Variants in C2orf76 observed in about 807,000 individuals in gnomAD.
C2orf76 encodes the protein chromosome 2 open reading frame 76.
Under a neutral mutation model 16.9 loss-of-function variants are expected in C2orf76, and 23 were observed. That is an observed-to-expected ratio of 1.36 (90% CI 0.98 to 1.93). The LOEUF (loss-of-function observed/expected upper bound fraction) is 1.93. C2orf76 is among the 30% of genes most tolerant of loss of function. C2orf76 has a pLI of 0.00. For missense variants in C2orf76, 152 were observed against 152.6 expected, an observed-to-expected ratio of 1.00 and a Z score of 0.02; for synonymous variants, 48 against 52.3, an observed-to-expected ratio of 0.92 and a Z score of 0.35.
At chr2:119,331,979 G>A (rs1256863157) in intron 2 of C2orf76, among the ~76,000 whole-genome samples, 1 of 151,952 alleles carries the variant, frequency 6.6e-6, no homozygotes, top group African/African-American at 2.4e-5. Flanking sequence ...TCACGAGAAG[G>A]TAACCACTAA....
At chr2:119,316,577 T>C (rs1411432967) in intron 4 of C2orf76, among the ~76,000 whole-genome samples, 1 of 152,218 alleles carries the variant, frequency 6.6e-6, no homozygotes, top group Non-Finnish European at 1.5e-5. Flanking sequence ...TGATCTGTGA[T>C]ACGCATTTAT....
intron 1 of C2orf76, among the ~76,000 whole-genome samples, chr2:119,344,576 G>C (rs1680138989): frequency 6.6e-6 from 1 of 152,094 alleles, no homozygotes; most frequent in South Asian, 2.1e-4. Context: ...AAAAAGAGCT[G>C]TTTGGGAATC....
chr2:119,291,571 A>T, the C2orf76 span, among the ~76,000 whole-genome samples: 3 of 152,038 alleles, frequency 2.0e-5, no homozygotes, highest in East Asian at 5.8e-4. Flanking sequence ...CGGGAAATGA[A>T]ATGGGAAGAG....
At chr2:119,329,346 G>A (rs2104581803) in intron 2 of C2orf76, among the ~76,000 whole-genome samples, 1 of 152,002 alleles carries the variant, frequency 6.6e-6, no homozygotes, top group Admixed American at 6.6e-5. Context: ...ACTTTTCTTT[G>A]GATTCATATC....
At chr2:119,349,225 T>C (rs56403140) in intron 1 of C2orf76, among the ~76,000 whole-genome samples, 12,413 of 152,308 alleles carry the variant, frequency 0.081, 636 homozygotes, top group African/African-American at 0.13. Flanking sequence ...AATTAAGCTA[T>C]TTCCAGTATA....
Position 119,310,941 on chromosome 2 carries a change from C to T in C2orf76, c.304+681G>A, listed in dbSNP as rs532028331. On this transcript the variant is annotated intron_variant, in intron 5 of 5. Coordinates refer to ENST00000334816, the MANE Select transcript of C2orf76 (RefSeq NM_001322331.2). ...TTGTGACACTGCATCCGTCACCAAC[C>T]GCAGAGGTGTGTGAGGGGCACACTG... is the stretch of plus-strand genomic sequence containing the variant. 1.8e-4 allele frequency among the ~76,000 whole-genome samples: 27 copies of T among 152,202 alleles called. 1 individual carries two copies. In the South Asian group the frequency reaches 5.4e-3, roughly 31 times the overall value.
At chr2:119,337,480 G>T (rs1394298196) in intron 2 of C2orf76, among the ~76,000 whole-genome samples, 1 of 152,076 alleles carries the variant, frequency 6.6e-6, no homozygotes, top group Non-Finnish European at 1.5e-5. Context: ...AAAATTCTTA[G>T]TATAGTACCT....
chr2:119,324,917 G>A (rs979441712), intron 2 of C2orf76, among the ~76,000 whole-genome samples: 5 of 152,122 alleles, frequency 3.3e-5, no homozygotes, highest in Non-Finnish European at 5.9e-5. Flanking sequence ...TTAATCTTGC[G>A]CTATTACAAA....
rs34753333 is a variant in C2orf76, at chr2:119,334,379, CAAAAAAAAAAAAA to C, written c.133+5435_133+5447del. Among the ~76,000 whole-genome samples the C allele has an allele frequency of 1.1e-4, 8 of 71,636 alleles. No homozygotes were observed. The East Asian group carries it at 2.1e-3, about 19-fold the overall frequency. 47.0% of individuals were successfully genotyped at this position (71,636 alleles called of 152,430 possible). On this transcript the variant is annotated intron_variant, in intron 2 of 5. Coordinates refer to ENST00000334816, the MANE Select transcript of C2orf76 (RefSeq NM_001322331.2). ...AGAGTGAACCTCAATGTATGCAAAGCAAAAAAAAAAAAAAAAAAAAAAAAAGGTCGGGCACAGC... is the reference window on the plus strand; with the variant it reads ...AGAGTGAACCTCAATGTATGCAAAGCAAAAAAAAAAAAGGTCGGGCACAGC...
chr2:119,289,651 AC>A, the C2orf76 span, among the ~76,000 whole-genome samples: 5 of 150,748 alleles, frequency 3.3e-5, no homozygotes, highest in African/African-American at 1.2e-4. Flanking sequence ...GTACCACTGC[AC>A]TCCAGCCTGG....
chr2:119,342,892 C>T (rs1460305860), intron 1 of C2orf76, among the ~76,000 whole-genome samples: 2 of 151,968 alleles, frequency 1.3e-5, no homozygotes, highest in Non-Finnish European at 2.9e-5. Context: ...TCGTCAGCCT[C>T]GTGAGTAGCT....
chr2:119,284,657 T>C, the C2orf76 span, among the ~76,000 whole-genome samples: 4 of 151,058 alleles, frequency 2.6e-5, no homozygotes, highest in Non-Finnish European at 4.4e-5. Context: ...CTCCATATAG[T>C]GGGTGGGTTG....
At chr2:119,350,456 G>C (rs1680362666) in intron 1 of C2orf76, among the ~76,000 whole-genome samples, 1 of 152,158 alleles carries the variant, frequency 6.6e-6, no homozygotes, top group Non-Finnish European at 1.5e-5. Context: ...TACCCAGCTA[G>C]TTTGGGGCAA....
Position 119,302,295 on chromosome 2 carries a change from C to T in C2orf76, c.*177G>A. On this transcript the variant is annotated 3_prime_UTR_variant, in exon 6 of 6. Coordinates refer to ENST00000334816, the MANE Select transcript of C2orf76 (RefSeq NM_001322331.2). Reference sequence around the variant, plus strand: ...TTTCTCATAATATATTATTTTACAACAACAAAGAAAAAGAAAGAGAGAAGG... The same window carrying T: ...TTTCTCATAATATATTATTTTACAATAACAAAGAAAAAGAAAGAGAGAAGG... 1 of 360,012 alleles carries T rather than the reference C, an allele frequency of 2.8e-6. No homozygotes were observed. The highest frequency in any genetic ancestry group is 4.8e-6 in the Non-Finnish European group (1 of 207,272). The allele number at this position is 360,012 out of a possible 1,614,324, so 22.3% of individuals were successfully genotyped here. A position where few individuals can be genotyped will look rare whatever the true frequency, so the allele number is the denominator to read the frequency against.
At chr2:119,360,752 T>A (rs150197355) in intron 1 of C2orf76, among the ~76,000 whole-genome samples, 1 of 151,828 alleles carries the variant, frequency 6.6e-6, no homozygotes, top group Non-Finnish European at 1.5e-5. Context: ...CTTCAAAGAG[T>A]GAATGGTTAA....
the C2orf76 span, among the ~76,000 whole-genome samples, chr2:119,295,907 A>T: frequency 1.3e-5 from 2 of 152,146 alleles, no homozygotes; most frequent in East Asian, 3.8e-4. Flanking sequence ...AGCACAACAC[A>T]CATCCTGTAT....
chr2:119,288,774 G>A, the C2orf76 span, among the ~76,000 whole-genome samples: 5 of 151,942 alleles, frequency 3.3e-5, no homozygotes, highest in African/African-American at 1.2e-4. Flanking sequence ...GACTGGAGAG[G>A]AGGCACTCAC....
At chr2:119,362,051 C>T (rs1680763539) in intron 1 of C2orf76, among the ~76,000 whole-genome samples, 1 of 152,104 alleles carries the variant, frequency 6.6e-6, no homozygotes, top group African/African-American at 2.4e-5. Context: ...CCTCTGCCAT[C>T]CCTGAGAAAG....
Position 119,321,155 on chromosome 2 carries a change from A to G in C2orf76, c.183T>C (p.Tyr61=), listed in dbSNP as rs7566912. ...NLPPPFRNYK[Y]DALKIIHQAH... ...TTAAAAGAATAAAAAAATGGTTACC[A>G]TATTTATAATTTCTGAATGGTGGTG... Residue 61 remains tyrosine, a splice_region_variant and synonymous_variant, in exon 3 of 6, where the codon TAT becomes TAC. Coordinates refer to ENST00000334816, the MANE Select transcript of C2orf76 (RefSeq NM_001322331.2). The G allele has an allele frequency of 0.022, 31,402 of 1,399,988 alleles. 6,106 individuals carry two copies. The African/African-American group carries it at 0.43, about 19-fold the overall frequency. The allele number at this position is 1,399,988 out of a possible 1,614,324, so 86.7% of individuals were successfully genotyped here.
Sources: gnomAD v4.1 joint callset for allele counts (sites outside exome capture counted in the v4.1 genomes callset) on GRCh38, gnomAD v4.1.1 for gene constraint, MANE v1.5 for transcripts, NCBI Gene and HGNC (gene_info 2026-07-23, HGNC 2026-07-21) for gene names.